Variants in SI observed in about 807,000 individuals in gnomAD.
SI encodes sucrase-isomaltase, also known as sucrase-isomaltase, intestinal.
Under a neutral mutation model 253.3 loss-of-function variants are expected in SI, and 235 were observed. The observed-to-expected ratio is 0.93, with a 90% confidence interval of 0.83 to 1.03. The LOEUF is 1.03. Ranked by LOEUF, SI falls within the 50% of genes least tolerant of loss-of-function variation. The probability of loss-of-function intolerance (pLI) is 0.00; values close to 1 mark genes in which losing one functional copy is unlikely to be tolerated. For missense variants in SI, 2,442 were observed against 2,211.1 expected (o/e 1.10, Z -2.09); for synonymous variants, 819 against 712.0 (o/e 1.15, Z -2.39).
chr3:165,004,472 T>C (rs1469700583), intron 37 of SI, among the ~76,000 whole-genome samples: 1 of 152,046 alleles, frequency 6.6e-6, no homozygotes, highest in Non-Finnish European at 1.5e-5. Context: ...GAAAGATATA[T>C]CAAAAAGATA....
intron 12 of SI, among the ~76,000 whole-genome samples, chr3:165,058,761 CT>C (rs1713826152): frequency 6.6e-6 from 1 of 151,580 alleles, no homozygotes; most frequent in African/African-American, 2.4e-5. Flanking sequence ...TTTTTCATGA[CT>C]TCTTATAAGA....
intron 38 of SI, among the ~76,000 whole-genome samples, chr3:164,998,249 A>G (rs1362756734): frequency 2.0e-5 from 3 of 151,762 alleles, no homozygotes; most frequent in Admixed American, 1.3e-4. Flanking sequence ...ATTTCTCTCT[A>G]TTAGCTCTAG....
chr3:165,053,385 A>G (rs970615401), intron 13 of SI, among the ~76,000 whole-genome samples: 3 of 152,170 alleles, frequency 2.0e-5, no homozygotes, highest in African/African-American at 4.8e-5. Context: ...TTGAATAACA[A>G]CTTGTTTTAG....
chr3:165,045,716 A>G (rs905989948), intron 16 of SI, among the ~76,000 whole-genome samples: 1 of 151,320 alleles, frequency 6.6e-6, no homozygotes, highest in East Asian at 1.9e-4. Context: ...TTTTCTTTAA[A>G]TATTAACAGC....
At chr3:165,072,261 C>G (rs561296558) in intron 3 of SI, among the ~76,000 whole-genome samples, 4 of 151,904 alleles carry the variant, frequency 2.6e-5, no homozygotes, top group African/African-American at 9.6e-5. Flanking sequence ...GAATGCCTCT[C>G]AAATATTTAA....
Position 164,992,325 on chromosome 3 carries a change from T to G in SI, c.4914A>C (p.Pro1638=), listed in dbSNP as rs1343440518. 4 of 1,613,466 alleles carry G rather than the reference T, an allele frequency of 2.5e-6. No homozygotes were observed. In the East Asian group the frequency reaches 8.9e-5, roughly 36 times the overall value. Residue 1638 remains proline, a synonymous_variant, in exon 42 of 48, where the codon CCA becomes CCC. Coordinates refer to ENST00000264382, the MANE Select transcript of SI (RefSeq NM_001041.4). ...TGGTAGGACTTACAGGTTCCAGTAC[T>G]GGGGTAACCATAAATGCTGGACCCC... is the stretch of plus-strand genomic sequence containing the variant. ...FLWGPAFMVT[P]VLEPYVQTVN...
At position 165,006,805 on chromosome 3, in the gene SI, A is replaced by G. The variant is rs1576881008; in HGVS notation, c.4406+11T>C. On this transcript the variant is annotated intron_variant, in intron 37 of 47. Transcript: ENST00000264382. ...AAAGAGTCAGAGAGGATAATTCAGA[A>G]CATTGCTTACTCATGAGTAGGTTTC... 8 of 1,609,804 alleles carry G rather than the reference A, an allele frequency of 5.0e-6. No homozygotes were observed. In the East Asian group the frequency reaches 1.6e-4, roughly 32 times the overall value.
intron 34 of SI, 73 bp downstream of exon 34, chr3:165,012,903 TTTAG>T: frequency 2.2e-6 from 2 of 903,600 alleles, no homozygotes; most frequent in Non-Finnish European, 3.8e-6. Flanking sequence ...AGCATTCAAA[TTTAG>T]TTATTGATTA....
chr3:165,065,772 C>G (rs1192287173), intron 6 of SI, among the ~76,000 whole-genome samples: 4 of 151,450 alleles, frequency 2.6e-5, no homozygotes, highest in African/African-American at 9.7e-5. Flanking sequence ...AACTGGTAGG[C>G]AGGAGAGCCA....
intron 19 of SI, 136 bp downstream of exon 19, chr3:165,039,751 G>A (rs1033470249): frequency 4.0e-5 from 28 of 701,590 alleles, no homozygotes; most frequent in East Asian, 1.0e-4. Flanking sequence ...GTGTCACATC[G>A]TAGAATTCCA....
rs369115304 is a variant in SI at position 165,030,713 on chromosome 3, G to T, written c.2891C>A (p.Thr964Lys). Residue 964 changes from threonine to lysine, a missense_variant and splice_region_variant, in exon 25 of 48, where the codon ACG becomes AAG. Physicochemically the swap from Thr to Lys is moderately conservative, Grantham distance 78. Coordinates refer to ENST00000264382, the MANE Select transcript of SI (RefSeq NM_001041.4). ...KCTQRGCVWRTGSSLSKAPEC... is the reference protein window; with the variant it reads ...KCTQRGCVWRKGSSLSKAPEC... ...AGTAATAGTTAAAATTATTATTACC[G>T]TTCTCCATACACAGCCACGTTGTGT... 1.2e-6 allele frequency: 2 copies of T among 1,607,218 alleles called. No homozygotes were observed. Among genetic ancestry groups the T allele is most frequent in the South Asian group, 1.1e-5 (1 of 90,810 alleles).
In SI at chr3:165,069,115, A is replaced by G; in HGVS notation, c.336T>C (p.His112=). ...LIPWCFFVDN[H]GYNVQDMTTT... is the part of the protein sequence containing the mutation. ...TTGTCATGTCTTGAACGTTATAACC[A>G]TGATTATCAACGAAGAAGCACCAAG... Residue 112 remains histidine, a synonymous_variant, in exon 4 of 48, where the codon CAT becomes CAC. Coordinates refer to ENST00000264382, the MANE Select transcript of SI (RefSeq NM_001041.4). The G allele has an allele frequency of 6.2e-7, 1 of 1,612,920 alleles. No homozygotes were observed. The highest frequency in any genetic ancestry group is 1.1e-5 in the South Asian group (1 of 91,062).
At chr3:165,046,298 T>C (rs1039707883) in intron 16 of SI, among the ~76,000 whole-genome samples, 5 of 152,128 alleles carry the variant, frequency 3.3e-5, no homozygotes, top group African/African-American at 1.2e-4. Flanking sequence ...GTCTTGAATA[T>C]CAATATTGGA....
At chr3:165,065,481 A>AT in intron 6 of SI, 49 bp from the exon 7 acceptor site, 1 of 273,998 alleles carries the variant, frequency 3.6e-6, no homozygotes, top group South Asian at 9.4e-5. Flanking sequence ...ATATATATAT[A>AT]TATATATATA....
intron 20 of SI, among the ~76,000 whole-genome samples, chr3:165,038,297 T>G (rs1445905381): frequency 2.0e-5 from 3 of 152,070 alleles, no homozygotes; most frequent in African/African-American, 7.2e-5. Flanking sequence ...GCTTTTTTAT[T>G]CTTTGTTTTG....
At chr3:165,045,486 C>T (rs1490799034) in intron 16 of SI, among the ~76,000 whole-genome samples, 1 of 151,856 alleles carries the variant, frequency 6.6e-6, no homozygotes, top group Admixed American at 6.6e-5. Context: ...AACAAATATG[C>T]TATAAATTGA....
chr3:164,990,581 G>A (rs983490336), intron 44 of SI, among the ~76,000 whole-genome samples: 16 of 152,090 alleles, frequency 1.1e-4, no homozygotes, highest in Admixed American at 1.0e-3. Context: ...AATGAATTGA[G>A]TTCATATCCT....
At chr3:164,992,098 T>C in intron 43 of SI, 79 bp downstream of exon 43, 4 of 1,150,892 alleles carry the variant, frequency 3.5e-6, no homozygotes, top group Non-Finnish European at 5.3e-6. Flanking sequence ...AAATCCAACA[T>C]ACCGTTAATG....
intron 3 of SI, among the ~76,000 whole-genome samples, chr3:165,072,785 T>C (rs1346258437): frequency 1.3e-5 from 2 of 152,098 alleles, no homozygotes; most frequent in African/African-American, 4.8e-5. Flanking sequence ...TAAGCTTCCA[T>C]ATAAATCCAA....
Sources: allele counts gnomAD v4.1 joint callset (sites outside exome capture counted in the v4.1 genomes callset), GRCh38; gene constraint gnomAD v4.1.1; transcripts MANE v1.5; gene names NCBI Gene and HGNC (gene_info 2026-07-23, HGNC 2026-07-21).